DACH1: variants seen among roughly 807,000 people sequenced by gnomAD.
DACH1 encodes the protein dachshund family transcription factor 1.
In DACH1, 12 loss-of-function variants were observed where a neutral mutation model predicts 54.2. That is an observed-to-expected ratio of 0.22 (90% CI 0.14 to 0.36). DACH1 has a LOEUF of 0.36. Ranked by LOEUF, DACH1 falls within the 10% of genes least tolerant of loss-of-function variation. DACH1 has a pLI of 1.00. For synonymous variants in DACH1, 386 were observed against 366.2 expected (o/e 1.05, Z -0.62); for missense variants, 805 against 929.8 (o/e 0.87, Z 1.75).
chr13:71,851,538 T>C (rs894879546), intron 1 of DACH1, among the ~76,000 whole-genome samples: 1 of 152,098 alleles, frequency 6.6e-6, no homozygotes, highest in African/African-American at 2.4e-5. Context: ...AATAAGACAC[T>C]CCAGGGAGAA....
chr13:71,487,455 G>A (rs1318547110), intron 7 of DACH1, among the ~76,000 whole-genome samples: 5 of 151,572 alleles, frequency 3.3e-5, no homozygotes, highest in Non-Finnish European at 7.4e-5. Context: ...TATAGTTCGA[G>A]GTGATGTGGA....
chr13:71,745,776 C>A (rs1884576377), intron 1 of DACH1, among the ~76,000 whole-genome samples: 1 of 152,154 alleles, frequency 6.6e-6, no homozygotes, highest in African/African-American at 2.4e-5. Context: ...AAACGGTGTA[C>A]TCAATCCCAA....
At chr13:71,852,845 A>G (rs573031054) in intron 1 of DACH1, among the ~76,000 whole-genome samples, 32 of 152,280 alleles carry the variant, frequency 2.1e-4, no homozygotes, top group Admixed American at 3.9e-4. Flanking sequence ...TGTCATTTCC[A>G]ATTTTCTGCT....
At chr13:71,837,381 T>C (rs1416369167) in intron 1 of DACH1, among the ~76,000 whole-genome samples, 2 of 147,210 alleles carry the variant, frequency 1.4e-5, no homozygotes, top group Non-Finnish European at 3.0e-5. Context: ...ATTTATTCAA[T>C]TGTAAAGTAG....
At chr13:71,613,836 C>T (rs897897608) in intron 3 of DACH1, among the ~76,000 whole-genome samples, 2 of 152,052 alleles carry the variant, frequency 1.3e-5, no homozygotes, top group Non-Finnish European at 2.9e-5. Flanking sequence ...CTCGACCTCC[C>T]GAGTTGCTGG....
At chr13:71,592,681 T>C (rs1193668183) in intron 3 of DACH1, among the ~76,000 whole-genome samples, 2 of 151,976 alleles carry the variant, frequency 1.3e-5, no homozygotes, top group East Asian at 3.9e-4. Context: ...GTATGAGCAT[T>C]ACAAGTAAAA....
intron 1 of DACH1, among the ~76,000 whole-genome samples, chr13:71,738,052 A>G (rs1315334102): frequency 6.6e-6 from 1 of 152,208 alleles, no homozygotes; most frequent in African/African-American, 2.4e-5. Context: ...AAAAACGGAC[A>G]TATATTTGGA....
At chr13:71,541,931 T>TG (rs1883154043) in intron 6 of DACH1, among the ~76,000 whole-genome samples, 1 of 148,056 alleles carries the variant, frequency 6.8e-6, no homozygotes, top group African/African-American at 2.5e-5. Flanking sequence ...CCCAGTTTTT[T>TG]TTTTTTTTTT....
intron 3 of DACH1, among the ~76,000 whole-genome samples, chr13:71,586,497 G>T (rs1873288101): frequency 6.6e-6 from 1 of 152,024 alleles, no homozygotes; most frequent in Non-Finnish European, 1.5e-5. Context: ...CAGCAGATAG[G>T]AAAACAGTGT....
chr13:71,772,364 G>A (rs1275512745), intron 1 of DACH1, among the ~76,000 whole-genome samples: 1 of 151,668 alleles, frequency 6.6e-6, no homozygotes, highest in African/African-American at 2.4e-5. Flanking sequence ...GTAGATCAAT[G>A]TGCTTCCTTA....
intron 6 of DACH1, among the ~76,000 whole-genome samples, chr13:71,551,447 C>T (rs1196581339): frequency 6.6e-6 from 1 of 152,134 alleles, no homozygotes; most frequent in Non-Finnish European, 1.5e-5. Context: ...CATTAATCCT[C>T]TCTCCTCCCC....
At chr13:71,851,567 T>A (rs541710085) in intron 1 of DACH1, among the ~76,000 whole-genome samples, 8 of 152,286 alleles carry the variant, frequency 5.3e-5, no homozygotes, top group Admixed American at 5.2e-4. Flanking sequence ...TGGTATATAG[T>A]GGCCTTCTTG....
intron 2 of DACH1, among the ~76,000 whole-genome samples, chr13:71,632,153 C>CA (rs1248821127): frequency 6.6e-6 from 1 of 151,722 alleles, no homozygotes; most frequent in Non-Finnish European, 1.5e-5. Context: ...AGAAAAGAAA[C>CA]AGAGTTTGAG....
chr13:71,558,814 C>T (rs1884414181), intron 5 of DACH1, among the ~76,000 whole-genome samples: 1 of 151,954 alleles, frequency 6.6e-6, no homozygotes, highest in African/African-American at 2.4e-5. Context: ...TCAACTTAAT[C>T]TTTAAATTAT....
intron 2 of DACH1, among the ~76,000 whole-genome samples, chr13:71,675,850 G>T (rs1296979019): frequency 6.6e-6 from 1 of 152,006 alleles, no homozygotes; most frequent in Admixed American, 6.6e-5. Flanking sequence ...CAACTAAATG[G>T]TGTTTGTAGC....
chr13:71,703,434 C>G (rs1291290717), intron 1 of DACH1, among the ~76,000 whole-genome samples: 1 of 152,138 alleles, frequency 6.6e-6, no homozygotes, highest in Non-Finnish European at 1.5e-5. Context: ...CAGACCATAG[C>G]AGAGCTCAGC....
At chr13:71,502,191 C>A (rs537754874) in intron 6 of DACH1, among the ~76,000 whole-genome samples, 21 of 152,206 alleles carry the variant, frequency 1.4e-4, no homozygotes, top group African/African-American at 5.1e-4. Flanking sequence ...TTGACTTATT[C>A]CCTAAAACCA....
chr13:71,764,568 G>A (rs1004119962), intron 1 of DACH1, among the ~76,000 whole-genome samples: 1 of 152,200 alleles, frequency 6.6e-6, no homozygotes, highest in Admixed American at 6.5e-5. Flanking sequence ...AGTGGAAGCA[G>A]TGATGAAGTC....
chr13:71,618,682 G>C (rs987159033), intron 3 of DACH1, among the ~76,000 whole-genome samples: 1 of 151,746 alleles, frequency 6.6e-6, no homozygotes, highest in East Asian at 1.9e-4. Context: ...AAGGCACGAG[G>C]TAAAAATAAT....
Sources: gnomAD v4.1 joint callset for allele counts (sites outside exome capture counted in the v4.1 genomes callset) on GRCh38, gnomAD v4.1.1 for gene constraint, MANE v1.5 for transcripts, NCBI Gene and HGNC (gene_info 2026-07-23, HGNC 2026-07-21) for gene names.